GABRQ: variants seen among roughly 807,000 people sequenced by gnomAD.
The protein encoded by GABRQ is gamma-aminobutyric acid type A receptor subunit theta, also known as gamma-aminobutyric acid receptor subunit theta.
Under a neutral mutation model 30.5 loss-of-function variants are expected in GABRQ, and 19 were observed. The observed-to-expected ratio is 0.62, with a 90% CI of 0.43 to 0.91. The LOEUF (loss-of-function observed/expected upper bound fraction) is 0.91, where lower values mean the gene tolerates loss of function less well. Among genes scored for constraint, GABRQ ranks in the 40% least tolerant of loss-of-function variants. GABRQ has a pLI of 0.00. For missense variants in GABRQ, 520 were observed against 521.4 expected, an observed-to-expected ratio of 1.00 and a Z score of 0.03; for synonymous variants, 187 against 210.2, an observed-to-expected ratio of 0.89 and a Z score of 0.95.
At chrX:152,651,265 A>G (rs782652777) in intron 7 of GABRQ, among the ~76,000 whole-genome samples, 118 of 112,555 alleles carry the variant, frequency 1.0e-3, no homozygotes, top group African/African-American at 3.8e-3. Flanking sequence ...AGGAGCCATC[A>G]TAGGCCAAGG....
Position 152,655,548 on chromosome X carries a change from A to G in GABRQ, c.*2267A>G, listed in dbSNP as rs1378563250. 1.8e-5 allele frequency: 2 copies of G among 112,616 alleles called. No individual in the cohort carries two copies. The highest frequency in any genetic ancestry group is 3.7e-5 in the Non-Finnish European group (2 of 53,360). The allele number at this position is 112,616 out of a possible 1,213,427, so 9.3% of individuals were successfully genotyped here. ...TAGACACTTGTACAGTCACATACAC[A>G]TACACACACACAAATCTTGTACGAC... On this transcript the variant is annotated 3_prime_UTR_variant, in exon 9 of 9. Coordinates refer to ENST00000598523, the MANE Select transcript of GABRQ (RefSeq NM_018558.4).
In GABRQ at chrX:152,649,348, T is replaced by C. The variant is rs782728454; in HGVS notation, c.610+15T>C. The C allele has an allele frequency of 1.7e-5, 17 of 992,268 alleles. No individual in the cohort carries two copies. Among genetic ancestry groups the C allele is most frequent in the Non-Finnish European group, 2.4e-5 (17 of 694,676 alleles). The allele number at this position is 992,268 out of a possible 1,213,427, so 81.8% of individuals were successfully genotyped here. A position where few individuals can be genotyped will look rare whatever the true frequency, so the allele number is the denominator to read the frequency against. On this transcript the variant is annotated intron_variant, in intron 5 of 8. Transcript: ENST00000598523. ...GGTAGAGAGCTGTACGTATGTCTCCTATGGCCCCTTCTTCCGTACTTGGGG... is the reference window on the plus strand; with the variant it reads ...GGTAGAGAGCTGTACGTATGTCTCCCATGGCCCCTTCTTCCGTACTTGGGG...
At position 152,639,559 on chromosome X, in the gene GABRQ, T is replaced by C. The variant is rs1930703341; in HGVS notation, c.150-819T>C. On this transcript the variant is annotated intron_variant, in intron 1 of 8. Transcript: ENST00000598523. ...GAATTGGGTGAGCGTGTCAGAGATC[T>C]CTGGAAAAGCCAGCTCTCCACAGAG... Among the ~76,000 whole-genome samples the C allele has an allele frequency of 2.7e-5, 3 of 111,840 alleles. No individual in the cohort carries two copies. The Admixed American group carries it at 2.8e-4, about 11-fold the overall frequency.
At position 152,647,116 on chromosome X, in the gene GABRQ, G is replaced by A; in HGVS notation, c.475G>A (p.Glu159Lys). ...KDAFVHDVTV[E>K]NRVFQLHPDG... ...TGCTTTCGTGCATGATGTGACTGTGGAGAATCGCGTGTTTCAGCTTCACCC... is the reference window on the plus strand; with the variant it reads ...TGCTTTCGTGCATGATGTGACTGTGAAGAATCGCGTGTTTCAGCTTCACCC... The change falls in exon 4 of 9, where the codon GAG becomes AAG. Residue 159 changes from glutamate (E) to lysine (K), a missense_variant. Transcript: ENST00000598523. 8.3e-7 allele frequency: 1 copy of A among 1,211,241 alleles called. No homozygotes were observed. The highest frequency in any genetic ancestry group is 1.7e-5 in the African/African-American group (1 of 57,761).
chrX:152,647,191 G>T, intron 4 of GABRQ, 23 bp downstream of exon 4: 1 of 1,080,465 alleles, frequency 9.3e-7, no homozygotes, highest in African/African-American at 1.8e-5. Flanking sequence ...GGGGTCTGGG[G>T]ATGTCCCAGC....
chrX:152,641,843 G>A (rs782107137), intron 2 of GABRQ, among the ~76,000 whole-genome samples: 1 of 112,366 alleles, frequency 8.9e-6, no homozygotes, highest in East Asian at 2.8e-4. Flanking sequence ...AGCACCAATG[G>A]GTGACGTGGG....
chrX:152,657,789 T>C (rs1380757357), downstream of GABRQ, among the ~76,000 whole-genome samples: 2 of 112,656 alleles, frequency 1.8e-5, no homozygotes, highest in East Asian at 2.8e-4. Flanking sequence ...AACAAAACTT[T>C]TAAAACAGAA....
At chrX:152,647,840 G>A (rs1206362555) in intron 4 of GABRQ, among the ~76,000 whole-genome samples, 5 of 112,050 alleles carry the variant, frequency 4.5e-5, no homozygotes, top group Non-Finnish European at 3.8e-5. Context: ...CTCCAAAGAC[G>A]TGTGTAAGAG....
rs1556821216 is a variant in GABRQ at position 152,656,855 on chromosome X, C to G, written c.*3574C>G. 1 of 112,237 alleles carries G rather than the reference C, an allele frequency of 8.9e-6. No homozygotes were observed. Among genetic ancestry groups the G allele is most frequent in the African/African-American group, 3.2e-5 (1 of 30,886 alleles). 9.2% of individuals were successfully genotyped at this position (112,237 alleles called of 1,213,427 possible). A position where few individuals can be genotyped will look rare whatever the true frequency, so the allele number is the denominator to read the frequency against. On this transcript the variant is annotated 3_prime_UTR_variant, in exon 9 of 9. Coordinates refer to ENST00000598523, the MANE Select transcript of GABRQ (RefSeq NM_018558.4). ...CCCAACATCAAAGGAAATCGTGACT[C>G]GTCCTACTAGAAGTGTAGTGTCTTT... is the stretch of plus-strand genomic sequence containing the variant.
rs5925199 is a variant in GABRQ, at chrX:152,655,640, C to T, written c.*2359C>T. ...CCTCTTTATTTTTGGATACCCCATA[C>T]AGAGATTCAGGTGGAGGGGAGAGCA... is the stretch of plus-strand genomic sequence containing the variant. On this transcript the variant is annotated 3_prime_UTR_variant, in exon 9 of 9. Coordinates refer to ENST00000598523, the MANE Select transcript of GABRQ (RefSeq NM_018558.4). The T allele has an allele frequency of 0.5, 55,853 of 110,749 alleles. 10,675 individuals are homozygous for T. Among genetic ancestry groups the T allele is most frequent in the African/African-American group, 0.7 (21,207 of 30,354 alleles). 9.1% of individuals were successfully genotyped at this position (110,749 alleles called of 1,213,427 possible).
At chrX:152,649,976 C>T (rs1279091141) in intron 6 of GABRQ, 97 bp downstream of exon 6, 2 of 653,129 alleles carry the variant, frequency 3.1e-6, no homozygotes, top group Admixed American at 2.6e-5. Context: ...TCTCTGGTGC[C>T]TCCTTTTCCA....
At chrX:152,645,957 A>G (rs1398548527) in intron 3 of GABRQ, among the ~76,000 whole-genome samples, 1 of 112,742 alleles carries the variant, frequency 8.9e-6, no homozygotes, top group Non-Finnish European at 1.9e-5. Flanking sequence ...AATTCTGTGT[A>G]ACCAAATTTA....
chrX:152,647,722 T>C (rs1380685425), intron 4 of GABRQ, among the ~76,000 whole-genome samples: 9 of 110,807 alleles, frequency 8.1e-5, no homozygotes, highest in African/African-American at 3.0e-4. Flanking sequence ...GGTCTATGGC[T>C]CTCCACACAC....
chrX:152,638,304 C>T lies in GABRQ; in HGVS notation c.102C>T (p.Phe34=), dbSNP rs1385326276. The change falls in exon 1 of 9, where the codon TTC becomes TTT. Residue 34 remains phenylalanine (F), a synonymous_variant. Transcript: ENST00000598523. ...NYPSPIPKFH[F]EFSSAVPEVV... ...CCAGTCCCATCCCGAAATTCCACTT[C>T]GAGTTCTCCTCTGCTGTGCCCGAAG... 6.6e-6 allele frequency: 8 copies of T among 1,210,423 alleles called. No homozygotes were observed. The highest frequency in any genetic ancestry group is 8.9e-6 in the Non-Finnish European group (8 of 894,571).
In GABRQ at chrX:152,638,229, C is replaced by A; in HGVS notation, c.27C>A (p.Ala9=). 1 of 1,210,857 alleles carries A rather than the reference C, an allele frequency of 8.3e-7. No homozygotes were observed. Among genetic ancestry groups the A allele is most frequent in the African/African-American group, 1.7e-5 (1 of 58,039 alleles). Residue 9 remains alanine (A), a synonymous_variant, in exon 1 of 9, where the codon GCC becomes GCA. Coordinates refer to ENST00000598523, the MANE Select transcript of GABRQ (RefSeq NM_018558.4). ...TGGGCATCCGAGGCATGCTGCGAGC[C>A]GCAGTGATCCTGCTGCTCATCAGGA... MGIRGMLR[A]AVILLLIRTW...
intron 2 of GABRQ, 121 bp from the exon 3 acceptor site, chrX:152,645,406 A>G: frequency 4.1e-6 from 2 of 488,852 alleles, no homozygotes; most frequent in Non-Finnish European, 7.4e-6. Flanking sequence ...TAGGTGACTT[A>G]CTCAGGATCA....
At chrX:152,642,990 A>G (rs1459242018) in intron 2 of GABRQ, among the ~76,000 whole-genome samples, 4 of 112,691 alleles carry the variant, frequency 3.5e-5, no homozygotes, top group Non-Finnish European at 5.6e-5. Context: ...TTTCCCTTCA[A>G]CTAGGAGTCC....
intron 1 of GABRQ, among the ~76,000 whole-genome samples, 171 bp downstream of exon 1, chrX:152,638,522 T>C (rs1242921043): frequency 9.1e-6 from 1 of 109,348 alleles, no homozygotes; most frequent in Admixed American, 9.5e-5. Flanking sequence ...CTAGAAGGGG[T>C]AAGGTGGGAG....
chrX:152,645,312 G>A (rs916693887), intron 2 of GABRQ, among the ~76,000 whole-genome samples: 1 of 111,682 alleles, frequency 9.0e-6, no homozygotes, highest in East Asian at 2.8e-4. Context: ...TGCACACATC[G>A]TGGGCGAGGC....
Sources: allele counts gnomAD v4.1 joint callset (sites outside exome capture counted in the v4.1 genomes callset), GRCh38; gene constraint gnomAD v4.1.1; transcripts MANE v1.5; gene names NCBI Gene and HGNC (gene_info 2026-07-23, HGNC 2026-07-21).